The following SIPA1L1 variants were observed in gnomAD, a reference collection of about 807,000 sequenced individuals.
SIPA1L1 encodes signal induced proliferation associated 1 like 1.
A neutral mutation model predicts 162.7 loss-of-function variants in SIPA1L1; 26 were observed. That is an observed-to-expected ratio of 0.16 (90% CI 0.12 to 0.22). The LOEUF (loss-of-function observed/expected upper bound fraction) is 0.22. Ranked by LOEUF, SIPA1L1 falls within the 10% of genes least tolerant of loss-of-function variation. The pLI is 1.00. For synonymous variants in SIPA1L1, 829 were observed against 837.4 expected (o/e 0.99, Z 0.17); for missense variants, 1,874 against 2,241.0 (o/e 0.84, Z 3.31).
chr14:71,699,038 C>A lies in SIPA1L1; in HGVS notation c.3432C>A (p.Ser1144=), dbSNP rs2081880748. 1 of 1,614,198 alleles carries A rather than the reference C, an allele frequency of 6.2e-7. No homozygotes were observed. The highest frequency in any genetic ancestry group is 8.5e-7 in the Non-Finnish European group (1 of 1,180,012). Residue 1144 remains serine, a synonymous_variant, in exon 14 of 24, where the codon TCC becomes TCA. Coordinates refer to ENST00000381232, the MANE Select transcript of SIPA1L1 (RefSeq NM_001386936.1). ...VTVSSMALAR[S]QCRNSPSNLS... is the part of the protein sequence containing the mutation. Reference sequence around the variant, plus strand: ...TCTCATCCATGGCTTTAGCAAGATCCCAGTGTCGGAACTCTCCTAGCAACT... The same window carrying A: ...TCTCATCCATGGCTTTAGCAAGATCACAGTGTCGGAACTCTCCTAGCAACT...
In SIPA1L1 at chr14:71,430,736, G is replaced by A. The variant is rs574303785; in HGVS notation, c.-464-82007G>A. Among the ~76,000 whole-genome samples, 21 of 152,284 alleles carry A rather than the reference G, an allele frequency of 1.4e-4. No individual in the cohort carries two copies. In the South Asian group the frequency reaches 4.3e-3, roughly 32 times the overall value. On this transcript the variant is annotated intron_variant, in intron 2 of 23. Transcript: ENST00000381232. ...ATCACTTTGCGACTCTGCTTCTTGA[G>A]AAACCACAGGGGCAGCTTTTGCACA...
chr14:71,702,471 G>T lies in SIPA1L1; in HGVS notation c.3612G>T (p.Trp1204Cys). 1 of 1,614,168 alleles carries T rather than the reference G, an allele frequency of 6.2e-7. No homozygotes were observed. The highest frequency in any genetic ancestry group is 8.5e-7 in the Non-Finnish European group (1 of 1,179,996). Residue 1204 changes from tryptophan to cysteine, a missense_variant, in exon 15 of 24, where the codon TGG (tryptophan) becomes TGT (cysteine). Around this residue, in one of 5 missense-constraint regions of SIPA1L1, gnomAD observed 936 missense variants for 1,051.9 expected, o/e 0.89. Coordinates refer to ENST00000381232, the MANE Select transcript of SIPA1L1 (RefSeq NM_001386936.1). ...IGGSGKSTPS[W>C]QRSEDSIADQ... ...GCAGCGGAAAATCCACGCCTAGCTGGCAAAGAAGTGAGGATAGCATTGCTG... is the reference window on the plus strand; with the variant it reads ...GCAGCGGAAAATCCACGCCTAGCTGTCAAAGAAGTGAGGATAGCATTGCTG...
chr14:71,651,081 A>G (rs1319453715), intron 8 of SIPA1L1, among the ~76,000 whole-genome samples: 2 of 152,216 alleles, frequency 1.3e-5, no homozygotes, highest in African/African-American at 2.4e-5. Context: ...TAATGAAACA[A>G]TCTGTTTAAC....
At chr14:71,450,749 A>G (rs1221305442) in intron 2 of SIPA1L1, among the ~76,000 whole-genome samples, 1 of 152,212 alleles carries the variant, frequency 6.6e-6, no homozygotes, top group East Asian at 1.9e-4. Flanking sequence ...GACAAAAAAT[A>G]TAGCAAGTGT....
At chr14:71,450,070 T>C (rs1270466893) in intron 2 of SIPA1L1, among the ~76,000 whole-genome samples, 1 of 152,172 alleles carries the variant, frequency 6.6e-6, no homozygotes, top group African/African-American at 2.4e-5. Flanking sequence ...AAATAAAAAT[T>C]ATCCCAAATC....
chr14:71,458,231 A>G (rs929256126), intron 2 of SIPA1L1, among the ~76,000 whole-genome samples: 1 of 152,068 alleles, frequency 6.6e-6, no homozygotes. Context: ...TTACTTTATT[A>G]TTGACAGCTC....
At chr14:71,606,969 A>G (rs1166743182) in intron 5 of SIPA1L1, among the ~76,000 whole-genome samples, 1 of 151,970 alleles carries the variant, frequency 6.6e-6, no homozygotes, top group East Asian at 1.9e-4. Context: ...AGTCATATAC[A>G]TGCATAAACA....
chr14:71,578,290 A>C (rs2033419865), intron 4 of SIPA1L1, among the ~76,000 whole-genome samples: 1 of 150,616 alleles, frequency 6.6e-6, no homozygotes, highest in African/African-American at 2.5e-5. Flanking sequence ...CTGGTCTCAG[A>C]CTCCTGAGCT....
intron 2 of SIPA1L1, among the ~76,000 whole-genome samples, chr14:71,351,711 C>A (rs2036728442): frequency 6.6e-6 from 1 of 152,136 alleles, no homozygotes; most frequent in South Asian, 2.1e-4. Flanking sequence ...GAACAACAAC[C>A]AACTTATTGT....
chr14:71,360,454 G>A (rs1213621186), intron 2 of SIPA1L1, among the ~76,000 whole-genome samples: 3 of 152,182 alleles, frequency 2.0e-5, no homozygotes, highest in Admixed American at 6.5e-5. Flanking sequence ...GCAGAGTTGG[G>A]ATGAATTTTT....
At chr14:71,620,852 G>C (rs993147375) in intron 6 of SIPA1L1, among the ~76,000 whole-genome samples, 2 of 152,124 alleles carry the variant, frequency 1.3e-5, no homozygotes, top group Non-Finnish European at 2.9e-5. Context: ...TTCTTCTCCA[G>C]CTAAGCCATT....
intron 2 of SIPA1L1, among the ~76,000 whole-genome samples, chr14:71,399,956 A>G (rs1222271590): frequency 3.3e-5 from 5 of 151,710 alleles, no homozygotes; most frequent in Admixed American, 6.6e-5. Flanking sequence ...CCTGACCCCA[A>G]GTGATCCACC....
chr14:71,568,590 A>T (rs1652474372), intron 4 of SIPA1L1, among the ~76,000 whole-genome samples: 1 of 152,188 alleles, frequency 6.6e-6, no homozygotes, highest in African/African-American at 2.4e-5. Context: ...GGGTCCTTGG[A>T]TCTTGTGCAA....
At chr14:71,662,662 A>G (rs1471280377) in intron 10 of SIPA1L1, among the ~76,000 whole-genome samples, 2 of 152,180 alleles carry the variant, frequency 1.3e-5, no homozygotes, top group Admixed American at 1.3e-4. Context: ...AGCTCCCAAC[A>G]CAGAGGCTGT....
intron 5 of SIPA1L1, among the ~76,000 whole-genome samples, chr14:71,591,458 A>G (rs2035384254): frequency 6.6e-6 from 1 of 152,186 alleles, no homozygotes; most frequent in Non-Finnish European, 1.5e-5. Context: ...AGTCTGGAAT[A>G]AAAATGTGAA....
intron 7 of SIPA1L1, among the ~76,000 whole-genome samples, chr14:71,640,220 T>C (rs970903805): frequency 6.6e-6 from 1 of 152,164 alleles, no homozygotes; most frequent in East Asian, 1.9e-4. Flanking sequence ...CCTTGACTTT[T>C]AAGCATCAAC....
intron 9 of SIPA1L1, 72 bp downstream of exon 9, chr14:71,658,508 G>T: frequency 9.9e-7 from 1 of 1,007,078 alleles, no homozygotes; most frequent in Non-Finnish European, 1.6e-6. Context: ...TGGCAAGTTT[G>T]TAAAATCTTA....
At chr14:71,349,256 A>T (rs899711592) in intron 2 of SIPA1L1, among the ~76,000 whole-genome samples, 1 of 152,206 alleles carries the variant, frequency 6.6e-6, no homozygotes, top group African/African-American at 2.4e-5. Context: ...GCCTGTCCAG[A>T]TTCTTCTCAG....
intron 2 of SIPA1L1, among the ~76,000 whole-genome samples, chr14:71,346,289 C>T (rs184149563): frequency 1.3e-5 from 2 of 152,188 alleles, no homozygotes; most frequent in Admixed American, 1.3e-4. Flanking sequence ...AAATCTCAAC[C>T]CTGTAACTGG....
Sources: gnomAD v4.1 joint callset for allele counts (sites outside exome capture counted in the v4.1 genomes callset) on GRCh38, gnomAD v4.1.1 for gene constraint, gnomAD v4.1.1 regional missense constraint, MANE v1.5 for transcripts, NCBI Gene and HGNC (gene_info 2026-07-23, HGNC 2026-07-21) for gene names.